Variants in C16orf96 observed in about 807,000 individuals in gnomAD.
The protein encoded by C16orf96 is chromosome 16 open reading frame 96.
C16orf96 carries 108 observed loss-of-function variants against 103.6 expected under a neutral mutation model. The observed-to-expected ratio is 1.04, with a 90% CI of 0.89 to 1.22. The LOEUF (loss-of-function observed/expected upper bound fraction) is 1.22. Among genes scored for constraint, C16orf96 ranks in the 50% most tolerant of loss-of-function variants. The pLI, the probability that C16orf96 is intolerant of heterozygous loss-of-function variation, is 0.00. For missense variants in C16orf96, 1,586 were observed against 1,464.2 expected, an observed-to-expected ratio of 1.08 and a Z score of -1.36; for synonymous variants, 566 against 593.5, an observed-to-expected ratio of 0.95 and a Z score of 0.67.
the C16orf96 span, among the ~76,000 whole-genome samples, chr16:4,540,912 G>A: frequency 6.7e-6 from 1 of 148,568 alleles, no homozygotes; most frequent in Non-Finnish European, 1.5e-5. Context: ...CCTGTCTGCA[G>A]TTTGGATTTT....
At chr16:4,566,847 G>C (rs1438993992) in intron 1 of C16orf96, among the ~76,000 whole-genome samples, 1 of 151,934 alleles carries the variant, frequency 6.6e-6, no homozygotes, top group East Asian at 1.9e-4. Context: ...CTGTAGAGTT[G>C]ATAGAATGCC....
At chr16:4,547,689 C>CTTCCTTCCTTCCTTCCTTCCTTCTTTCT in the C16orf96 span, among the ~76,000 whole-genome samples, 7 of 22,594 alleles carry the variant, frequency 3.1e-4, no homozygotes, top group African/African-American at 7.5e-4. Flanking sequence ...TCCTTCCTTC[C>CTTCCTTCCTTCCTTCCTTCCTTCTTTCT]TTCTTTCTTT....
the C16orf96 span, among the ~76,000 whole-genome samples, chr16:4,551,051 C>T: frequency 6.6e-6 from 1 of 152,166 alleles, no homozygotes; most frequent in Non-Finnish European, 1.5e-5. Context: ...GGCCAGAGGA[C>T]CGCTTGAGGC....
chr16:4,549,496 A>C, the C16orf96 span, among the ~76,000 whole-genome samples: 2 of 148,332 alleles, frequency 1.3e-5, no homozygotes, highest in South Asian at 4.3e-4. Context: ...AAAAACAACC[A>C]ACCAGAATAC....
rs1275390425 is a variant in C16orf96 at position 4,575,466 on chromosome 16, CACCTGGGACTGA to C, written c.992_1003del (p.Gly331_Pro334del). The C allele has an allele frequency of 2.6e-6, 4 of 1,548,274 alleles. No homozygotes were observed. The highest frequency in any genetic ancestry group is 3.5e-6 in the Non-Finnish European group (4 of 1,146,934). On this transcript the variant is annotated inframe_deletion, in exon 5 of 16. Coordinates refer to ENST00000444310, the MANE Select transcript of C16orf96 (RefSeq NM_001145011.2). Reference sequence around the variant, plus strand: ...ACAACTGAATTTGCACCTGGGCCTGCACCTGGGACTGAACCTGTGCCAGGACTGGAGCTGGGG... The same window carrying C: ...ACAACTGAATTTGCACCTGGGCCTGCACCTGTGCCAGGACTGGAGCTGGGG...
chr16:4,551,401 C>T (rs1171162353), upstream of C16orf96, among the ~76,000 whole-genome samples: 1 of 152,228 alleles, frequency 6.6e-6, no homozygotes, highest in Non-Finnish European at 1.5e-5. Context: ...AGGATAACCA[C>T]TCGCCTCACC....
At chr16:4,564,767 C>T (rs946784972) in intron 1 of C16orf96, among the ~76,000 whole-genome samples, 4 of 152,162 alleles carry the variant, frequency 2.6e-5, no homozygotes, top group Non-Finnish European at 4.4e-5. Context: ...ACCGAGATCG[C>T]GCCGCTGCAC....
At chr16:4,588,143 TC>T in intron 8 of C16orf96, 23 bp from the exon 9 acceptor site, 1 of 1,546,498 alleles carries the variant, frequency 6.5e-7, no homozygotes, top group East Asian at 2.5e-5. Context: ...CAGCCATGCC[TC>T]CCTGAACTCC....
At chr16:4,565,624 G>T (rs904107864) in intron 1 of C16orf96, among the ~76,000 whole-genome samples, 2 of 152,190 alleles carry the variant, frequency 1.3e-5, no homozygotes, top group Admixed American at 1.3e-4. Context: ...GAGTAGCTGG[G>T]ATTACAGCTG....
At chr16:4,558,400 GC>G (rs2059290519) in intron 1 of C16orf96, among the ~76,000 whole-genome samples, 1 of 152,164 alleles carries the variant, frequency 6.6e-6, no homozygotes, top group African/African-American at 2.4e-5. Context: ...GATCACTTGA[GC>G]CCAGGAGTTC....
rs772922912 is a variant in C16orf96 at position 4,592,317 on chromosome 16, G to A, written c.2724G>A (p.Lys908=). 7.7e-6 allele frequency: 12 copies of A among 1,551,546 alleles called. No homozygotes were observed. The South Asian group carries it at 9.5e-5, about 12-fold the overall frequency. ...SAAGFRRKLF[K]RVKCISCDRP... is the part of the protein sequence containing the mutation. Reference sequence around the variant, plus strand: ...ATGTGCCTTTCAGGAAGCTGTTCAAGCGCGTGAAGTGCATCTCCTGTGACC... The same window carrying A: ...ATGTGCCTTTCAGGAAGCTGTTCAAACGCGTGAAGTGCATCTCCTGTGACC... Residue 908 remains lysine, a synonymous_variant, in exon 11 of 16, where the codon AAG becomes AAA. Coordinates refer to ENST00000444310, the MANE Select transcript of C16orf96 (RefSeq NM_001145011.2).
Position 4,576,097 on chromosome 16 carries a change from C to T in C16orf96, c.1617C>T (p.Pro539=), listed in dbSNP as rs1265955371. Residue 539 remains proline (P), a synonymous_variant, in exon 5 of 16, where the codon CCC becomes CCT. Coordinates refer to ENST00000444310, the MANE Select transcript of C16orf96 (RefSeq NM_001145011.2). ...ATAGAGGTGGCAAAGATGGGGACCC[C>T]AAGGATAGAGTTGGCAAGGATGGGG... ...PKDRGGKDGD[P]KDRVGKDGAP... 3.2e-6 allele frequency: 5 copies of T among 1,550,938 alleles called. No homozygotes were observed. The highest frequency in any genetic ancestry group is 3.5e-6 in the Non-Finnish European group (4 of 1,146,834).
At chr16:4,577,064 G>A (rs2059520449) in intron 5 of C16orf96, among the ~76,000 whole-genome samples, 1 of 152,108 alleles carries the variant, frequency 6.6e-6, no homozygotes, top group Admixed American at 6.5e-5. Flanking sequence ...GGTGGTGTAT[G>A]CCTGTAATCC....
chr16:4,569,711 A>T (rs2141708737), intron 1 of C16orf96, among the ~76,000 whole-genome samples: 1 of 151,594 alleles, frequency 6.6e-6, no homozygotes, highest in South Asian at 2.1e-4. Flanking sequence ...AAAAAAAAAA[A>T]AAAGAAGGCA....
chr16:4,559,009 T>C (rs1156712955), intron 1 of C16orf96, among the ~76,000 whole-genome samples: 1 of 150,722 alleles, frequency 6.6e-6, no homozygotes, highest in African/African-American at 2.4e-5. Context: ...CACTTGAGCC[T>C]GGAAGGCAGG....
At chr16:4,550,597 A>G in the C16orf96 span, among the ~76,000 whole-genome samples, 2 of 151,842 alleles carry the variant, frequency 1.3e-5, no homozygotes, top group Admixed American at 6.6e-5. Context: ...GTACCATGCC[A>G]CTCTCCTCAC....
intron 2 of C16orf96, among the ~76,000 whole-genome samples, chr16:4,572,326 G>A (rs1383781907): frequency 7.3e-6 from 1 of 137,076 alleles, no homozygotes; most frequent in African/African-American, 2.8e-5. Flanking sequence ...TTGAGATGGA[G>A]TCTCGCTCTG....
chr16:4,558,555 T>C (rs574407741), intron 1 of C16orf96, among the ~76,000 whole-genome samples: 7 of 152,056 alleles, frequency 4.6e-5, no homozygotes, highest in African/African-American at 1.7e-4. Flanking sequence ...GAAGCTGCAG[T>C]GAGTTGTAGT....
At chr16:4,584,617 A>C (rs1896875019) in intron 7 of C16orf96, among the ~76,000 whole-genome samples, 2 of 149,904 alleles carry the variant, frequency 1.3e-5, no homozygotes, top group African/African-American at 4.9e-5. Context: ...TTACTGCAAC[A>C]TCTGCCTCCC....
Sources: allele counts gnomAD v4.1 joint callset (sites outside exome capture counted in the v4.1 genomes callset), GRCh38; gene constraint gnomAD v4.1.1; transcripts MANE v1.5; gene names NCBI Gene and HGNC (gene_info 2026-07-23, HGNC 2026-07-21).